The following HIPK2 variants were observed in gnomAD, a reference collection of about 807,000 sequenced individuals.
HIPK2 encodes the protein homeodomain-interacting protein kinase 2.
A neutral mutation model predicts 113.7 loss-of-function variants in HIPK2; 27 were observed. The ratio of observed to expected loss-of-function variants is 0.24; its 90% CI spans 0.17 to 0.33. The LOEUF (loss-of-function observed/expected upper bound fraction) is 0.33, where lower values mean the gene tolerates loss of function less well. Among genes scored for constraint, HIPK2 ranks in the 10% least tolerant of loss-of-function variants. HIPK2 has a pLI of 1.00. For synonymous variants in HIPK2, 631 were observed against 642.2 expected (o/e 0.98, Z 0.26); for missense variants, 1,257 against 1,588.0 (o/e 0.79, Z 3.54).
rs1352220415 is a variant in HIPK2 at position 139,569,668 on chromosome 7, G to A, written c.*3259C>T. The A allele has an allele frequency of 6.6e-6, 1 of 152,016 alleles. No individual in the cohort carries two copies. The highest frequency in any genetic ancestry group is 2.4e-5 in the African/African-American group (1 of 41,404). The allele number at this position is 152,016 out of a possible 1,614,324, so 9.4% of individuals were successfully genotyped here. On this transcript the variant is annotated 3_prime_UTR_variant, in exon 15 of 15. Coordinates refer to ENST00000406875, the MANE Select transcript of HIPK2 (RefSeq NM_022740.5). ...ATTCTTCTTTAAACTTTTGTTCTGT[G>A]GTGGATCTTTCTTGACGTCTCTTGT...
intron 2 of HIPK2, among the ~76,000 whole-genome samples, chr7:139,693,848 A>G (rs1410184581): frequency 6.6e-6 from 1 of 152,074 alleles, no homozygotes; most frequent in African/African-American, 2.4e-5. Context: ...TTCTAAAAAC[A>G]TGTGCACTTA....
chr7:139,749,891 T>TA (rs2117105191), intron 1 of HIPK2, among the ~76,000 whole-genome samples: 1 of 152,314 alleles, frequency 6.6e-6, no homozygotes, highest in East Asian at 1.9e-4. Context: ...TTAGAGGAAA[T>TA]AACACCTCTG....
intron 2 of HIPK2, among the ~76,000 whole-genome samples, chr7:139,666,865 C>T (rs1802065484): frequency 1.3e-5 from 2 of 152,126 alleles, no homozygotes; most frequent in African/African-American, 4.8e-5. Flanking sequence ...GAGTTCTAGA[C>T]CAGCCTGGCC....
At chr7:139,729,987 A>T (rs1255580028) in intron 1 of HIPK2, among the ~76,000 whole-genome samples, 1 of 152,184 alleles carries the variant, frequency 6.6e-6, no homozygotes, top group Non-Finnish European at 1.5e-5. Flanking sequence ...AGACAAGTAA[A>T]CCAGACCTGC....
rs541542457 is a variant in HIPK2 at position 139,718,237 on chromosome 7, C to A, written c.20-1222G>T. On this transcript the variant is annotated intron_variant, in intron 1 of 14. Coordinates refer to ENST00000406875, the MANE Select transcript of HIPK2 (RefSeq NM_022740.5). ...AAGGTTAAAAGAGTAACAAACATTG[C>A]CCATCTTCTAAGCCACTATCAACAA... is the stretch of plus-strand genomic sequence containing the variant. 1.4e-3 allele frequency among the ~76,000 whole-genome samples: 216 copies of A among 152,240 alleles called. 1 individual carries two copies. Among genetic ancestry groups the A allele is most frequent in the African/African-American group, 4.3e-3 (180 of 41,532 alleles).
At chr7:139,580,875 T>C (rs1236219269) in intron 13 of HIPK2, among the ~76,000 whole-genome samples, 1 of 152,216 alleles carries the variant, frequency 6.6e-6, no homozygotes, top group East Asian at 1.9e-4. Flanking sequence ...GTGTTAGCTA[T>C]TGTTGGTGTC....
chr7:139,624,049 G>C (rs1484977081), intron 6 of HIPK2, among the ~76,000 whole-genome samples: 1 of 148,662 alleles, frequency 6.7e-6, no homozygotes, highest in Non-Finnish European at 1.5e-5. Context: ...TTTTGACGGA[G>C]TCTCGCTCTG....
chr7:139,667,332 T>C (rs1347309677), intron 2 of HIPK2, among the ~76,000 whole-genome samples: 2 of 152,216 alleles, frequency 1.3e-5, no homozygotes, highest in Non-Finnish European at 2.9e-5. Context: ...TAGAAACAGT[T>C]GGATAATCAC....
rs1800527715 is a variant in HIPK2 at position 139,629,102 on chromosome 7, C to A, written c.1348-63G>T. The A allele has an allele frequency of 2.3e-6, 3 of 1,311,410 alleles. No homozygotes were observed. The Admixed American group carries it at 5.9e-5, about 26-fold the overall frequency. 81.2% of individuals were successfully genotyped at this position (1,311,410 alleles called of 1,614,324 possible). On this transcript the variant is annotated intron_variant, in intron 4 of 14. Transcript: ENST00000406875. The stretch of plus-strand genomic sequence containing the variant: ...TAGCTCCTCATCACTGGGACTCAAG[C>A]CTTGGAACTCCTGTGTCTCACAGAG...
At chr7:139,709,290 T>G (rs1794995566) in intron 2 of HIPK2, among the ~76,000 whole-genome samples, 2 of 152,192 alleles carry the variant, frequency 1.3e-5, no homozygotes, top group African/African-American at 2.4e-5. Context: ...AAAGACAAAT[T>G]AATTTTAAAA....
At chr7:139,584,891 C>G (rs1798786148) in intron 12 of HIPK2, among the ~76,000 whole-genome samples, 1 of 152,206 alleles carries the variant, frequency 6.6e-6, no homozygotes, top group Non-Finnish European at 1.5e-5. Flanking sequence ...ATATGTGGAA[C>G]TTCATACAAT....
intron 1 of HIPK2, among the ~76,000 whole-genome samples, chr7:139,736,676 T>C (rs939254878): frequency 6.6e-6 from 1 of 152,212 alleles, no homozygotes; most frequent in African/African-American, 2.4e-5. Context: ...AAAAACTTAA[T>C]GCCTACGCTG....
chr7:139,721,058 C>T (rs2116975698), intron 1 of HIPK2, among the ~76,000 whole-genome samples: 1 of 152,238 alleles, frequency 6.6e-6, no homozygotes, highest in Admixed American at 6.5e-5. Flanking sequence ...GCTGGAAACA[C>T]CCTGCACCAC....
At chr7:139,655,092 A>T (rs1320813156) in intron 2 of HIPK2, among the ~76,000 whole-genome samples, 1 of 152,168 alleles carries the variant, frequency 6.6e-6, no homozygotes, top group Non-Finnish European at 1.5e-5. Flanking sequence ...ATTCGCTTGG[A>T]TAAGAAAGTG....
rs558808365 is a variant in HIPK2 at position 139,591,494 on chromosome 7, T to C, written c.2717+5223A>G. The stretch of plus-strand genomic sequence containing the variant: ...ACCCTCTGCCACCCCTCTTCCTCCT[T>C]CTTCCCTGTGGAAAGCAAGGAGCAA... On this transcript the variant is annotated intron_variant, in intron 12 of 14. Coordinates refer to ENST00000406875, the MANE Select transcript of HIPK2 (RefSeq NM_022740.5). Among the ~76,000 whole-genome samples the C allele has an allele frequency of 4.6e-5, 7 of 152,280 alleles. No individual in the cohort carries two copies. The East Asian group carries it at 9.6e-4, about 21-fold the overall frequency.
chr7:139,737,801 C>T (rs903399837), intron 1 of HIPK2, among the ~76,000 whole-genome samples: 2 of 152,178 alleles, frequency 1.3e-5, no homozygotes, highest in Non-Finnish European at 2.9e-5. Flanking sequence ...AAAAACAGTG[C>T]GGTTGCTGGG....
intron 1 of HIPK2, among the ~76,000 whole-genome samples, chr7:139,730,358 T>C (rs931861338): frequency 9.2e-5 from 14 of 151,940 alleles, no homozygotes; most frequent in Non-Finnish European, 1.3e-4. Flanking sequence ...CTGCAATTTT[T>C]TCTCTCTTTT....
chr7:139,722,371 A>C (rs1402594795), intron 1 of HIPK2, among the ~76,000 whole-genome samples: 1 of 152,234 alleles, frequency 6.6e-6, no homozygotes, highest in African/African-American at 2.4e-5. Context: ...ACCCAGACTT[A>C]GGGTGCACTT....
At chr7:139,611,246 T>A (rs1198477987) in intron 9 of HIPK2, among the ~76,000 whole-genome samples, 1 of 152,218 alleles carries the variant, frequency 6.6e-6, no homozygotes, top group Non-Finnish European at 1.5e-5. Flanking sequence ...AAGGATTTTA[T>A]AAAAAGGGAA....
Sources: allele counts gnomAD v4.1 joint callset (sites outside exome capture counted in the v4.1 genomes callset), GRCh38; gene constraint gnomAD v4.1.1; transcripts MANE v1.5; gene names NCBI Gene and HGNC (gene_info 2026-07-23, HGNC 2026-07-21).